The following NEXN variants were observed in gnomAD, a reference collection of about 807,000 sequenced individuals.
The protein encoded by NEXN is nexilin F-actin binding protein, also known as nexilin.
In NEXN, 65 loss-of-function variants were observed where a neutral mutation model predicts 92.6. The observed-to-expected ratio is 0.70, with a 90% CI of 0.57 to 0.86. NEXN has a LOEUF of 0.86. Among genes scored for constraint, NEXN ranks in the 40% least tolerant of loss-of-function variants. The pLI is 0.00. For synonymous variants in NEXN, 254 were observed against 242.5 expected, an observed-to-expected ratio of 1.05 and a Z score of -0.44; for missense variants, 778 against 771.1, an observed-to-expected ratio of 1.01 and a Z score of -0.11.
rs1396903361 is a variant in NEXN, at chr1:77,926,713, T to C, written c.688-3T>C. On this transcript the variant is annotated splice_region_variant and splice_polypyrimidine_tract_variant and intron_variant, in intron 7 of 12. Coordinates refer to ENST00000334785, the MANE Select transcript of NEXN (RefSeq NM_144573.4). ...AAGGTGGGTTTTCATAACGTTTTCTTAGGATGATGAAATAGAAAGTGAAGC... is the reference window on the plus strand; with the variant it reads ...AAGGTGGGTTTTCATAACGTTTTCTCAGGATGATGAAATAGAAAGTGAAGC... The C allele has an allele frequency of 6.2e-7, 1 of 1,613,860 alleles. No individual in the cohort carries two copies. The highest frequency in any genetic ancestry group is 8.5e-7 in the Non-Finnish European group (1 of 1,179,922).
At chr1:77,935,311 T>TA (rs1650659897) in intron 10 of NEXN, among the ~76,000 whole-genome samples, 1 of 152,222 alleles carries the variant, frequency 6.6e-6, no homozygotes, top group Non-Finnish European at 1.5e-5. Context: ...GTGCTGGGAT[T>TA]ACAGGCGTGA....
intron 9 of NEXN, among the ~76,000 whole-genome samples, chr1:77,931,114 G>T (rs182969210): frequency 6.6e-6 from 1 of 151,806 alleles, no homozygotes; most frequent in Admixed American, 6.6e-5. Flanking sequence ...GAAGCCGGGC[G>T]CGGTGGCTCA....
In NEXN at chr1:77,894,820, A is replaced by G. The variant is rs1647189836; in HGVS notation, c.-53+6061A>G. 1.3e-5 allele frequency among the ~76,000 whole-genome samples: 2 copies of G among 151,476 alleles called. 1 individual carries two copies. The highest frequency in any genetic ancestry group is 4.2e-4 in the South Asian group (2 of 4,772). ...AACCTCCACCTCCCGGGTTCTAGCA[A>G]TTCTCCTGCCTCAGCCTACCAAGTA... On this transcript the variant is annotated intron_variant, in intron 1 of 12. Coordinates refer to ENST00000334785, the MANE Select transcript of NEXN (RefSeq NM_144573.4).
intron 2 of NEXN, among the ~76,000 whole-genome samples, chr1:77,916,525 TTA>T (rs1169366506): frequency 6.6e-6 from 1 of 152,076 alleles, no homozygotes; most frequent in Admixed American, 6.6e-5. Context: ...TTTTAGTGCC[TTA>T]TATATATATT....
intron 11 of NEXN, among the ~76,000 whole-genome samples, chr1:77,941,263 A>G (rs771058336): frequency 4.6e-5 from 7 of 152,112 alleles, no homozygotes; most frequent in Non-Finnish European, 1.0e-4. Flanking sequence ...AAAGTCAACA[A>G]CTGAAGTACT....
chr1:77,929,643 C>A, intron 9 of NEXN, 139 bp downstream of exon 9: 1 of 1,162,926 alleles, frequency 8.6e-7, no homozygotes, highest in African/African-American at 1.5e-5. Context: ...GTTTTAAAGT[C>A]TCCCATGGAA....
chr1:77,910,694 T>G (rs975336711), intron 1 of NEXN, among the ~76,000 whole-genome samples: 1 of 135,942 alleles, frequency 7.4e-6, no homozygotes, highest in Admixed American at 8.5e-5. Flanking sequence ...GAGGTTGCAG[T>G]GAGCTGAGAC....
At chr1:77,934,011 ATTT>A (rs71075780) in intron 10 of NEXN, among the ~76,000 whole-genome samples, 2 of 114,310 alleles carry the variant, frequency 1.7e-5, no homozygotes, top group African/African-American at 3.6e-5. Context: ...CTAATTTTTA[ATTT>A]TTTTTTTTTT....
At chr1:77,919,922 C>G (rs528972330) in intron 5 of NEXN, among the ~76,000 whole-genome samples, 2 of 147,430 alleles carry the variant, frequency 1.4e-5, no homozygotes, top group African/African-American at 5.0e-5. Flanking sequence ...TTAATTGAGA[C>G]GGAGTCTCGC....
chr1:77,943,840 G>A lies in NEXN; in HGVS notation c.*1011G>A, dbSNP rs1264916430. 1 of 153,584 alleles carries A rather than the reference G, an allele frequency of 6.5e-6. No individual in the cohort carries two copies. The highest frequency in any genetic ancestry group is 2.4e-5 in the African/African-American group (1 of 41,454). The allele number at this position is 153,584 out of a possible 1,614,324, so 9.5% of individuals were successfully genotyped here. On this transcript the variant is annotated 3_prime_UTR_variant, in exon 13 of 13. Transcript: ENST00000334785. ...AGTTGTTTTATATTTTAATTTTCTG[G>A]AAGACAATTTTATTTTACAACGTGA...
intron 11 of NEXN, 58 bp from the exon 12 acceptor site, chr1:77,941,965 A>T: frequency 6.5e-7 from 1 of 1,527,096 alleles, no homozygotes; most frequent in South Asian, 1.2e-5. Flanking sequence ...TAGAACTAGT[A>T]ACGCTTCTTT....
chr1:77,927,178 G>A (rs1016095509), intron 8 of NEXN, among the ~76,000 whole-genome samples: 4 of 151,830 alleles, frequency 2.6e-5, no homozygotes, highest in Non-Finnish European at 5.9e-5. Context: ...GGGAGGCTAA[G>A]GCACGAGAAT....
intron 9 of NEXN, among the ~76,000 whole-genome samples, chr1:77,931,123 C>CA (rs1397269615): frequency 1.3e-5 from 2 of 151,230 alleles, no homozygotes; most frequent in Admixed American, 1.3e-4. Flanking sequence ...CGCGGTGGCT[C>CA]ACGCCTGTAA....
intron 5 of NEXN, among the ~76,000 whole-genome samples, chr1:77,920,369 T>C (rs1417700793): frequency 6.6e-6 from 1 of 152,120 alleles, no homozygotes; most frequent in African/African-American, 2.4e-5. Context: ...TATAAATCCA[T>C]ATGCAAGAAT....
Position 77,943,076 on chromosome 1 carries a change from TACTTC to T in NEXN, c.*248_*252del. 1 of 488,296 alleles carries T rather than the reference TACTTC, an allele frequency of 2.0e-6. No individual in the cohort carries two copies. The allele number at this position is 488,296 out of a possible 1,614,324, so 30.2% of individuals were successfully genotyped here. ...AAGCACAGCTCATCTAAAGAATGCC[TACTTC>T]TTTTCCAAATAAGCATCAGATTTAT... On this transcript the variant is annotated 3_prime_UTR_variant, in exon 13 of 13. Transcript: ENST00000334785.
At chr1:77,941,230 A>T (rs1651275309) in intron 11 of NEXN, among the ~76,000 whole-genome samples, 3 of 99,578 alleles carry the variant, frequency 3.0e-5, no homozygotes, top group Non-Finnish European at 5.9e-5. Flanking sequence ...CTAGGTAGTT[A>T]GAAACCAAAA....
rs1012868928 is a variant in NEXN, at chr1:77,912,041, T to A, written c.-52-4014T>A. Among the ~76,000 whole-genome samples, 9 of 149,126 alleles carry A rather than the reference T, an allele frequency of 6.0e-5. No homozygotes were observed. The Admixed American group carries it at 6.1e-4, about 10-fold the overall frequency. ...TTGCAGTGAGCCGAGATTGCACCAT[T>A]GCACTCCAGTCTGGGCGACAGAGTG... On this transcript the variant is annotated intron_variant, in intron 1 of 12. Transcript: ENST00000334785.
At chr1:77,903,756 T>C (rs1200032480) in intron 1 of NEXN, among the ~76,000 whole-genome samples, 2 of 151,184 alleles carry the variant, frequency 1.3e-5, no homozygotes, top group Non-Finnish European at 2.9e-5. Flanking sequence ...GAAACCCTGT[T>C]TCTACAAAAA....
chr1:77,939,390 G>C (rs564925658), intron 11 of NEXN, among the ~76,000 whole-genome samples: 2 of 152,290 alleles, frequency 1.3e-5, no homozygotes, highest in Admixed American at 6.5e-5. Context: ...AGTAGATAAA[G>C]CTGCTTATAA....
Sources: allele counts gnomAD v4.1 joint callset (sites outside exome capture counted in the v4.1 genomes callset), GRCh38; gene constraint gnomAD v4.1.1; transcripts MANE v1.5; gene names NCBI Gene and HGNC (gene_info 2026-07-23, HGNC 2026-07-21).